The following LRBA variants were observed in gnomAD, a reference collection of about 807,000 sequenced individuals.
LRBA encodes the protein LPS responsive beige-like anchor protein, also known as lipopolysaccharide-responsive and beige-like anchor protein.
A neutral mutation model predicts 330.0 loss-of-function variants in LRBA; 176 were observed. The ratio of observed to expected loss-of-function variants is 0.53; its 90% CI spans 0.47 to 0.60. The LOEUF (loss-of-function observed/expected upper bound fraction) is 0.60. LRBA is among the 20% of genes least tolerant of loss of function. The pLI, the probability that LRBA is intolerant of heterozygous loss-of-function variation, is 0.00. For synonymous variants in LRBA, 1,230 were observed against 1,193.0 expected (o/e 1.03, Z -0.64); for missense variants, 3,259 against 3,444.8 (o/e 0.95, Z 1.35).
Position 150,872,734 on chromosome 4 carries a change from T to A in LRBA, c.2187A>T (p.Ala729=), listed in dbSNP as rs1361184420. 2 of 1,602,310 alleles carry A rather than the reference T, an allele frequency of 1.2e-6. No individual in the cohort carries two copies. The highest frequency in any genetic ancestry group is 3.4e-5 in the Admixed American group (2 of 58,954). ...NGLRVIYKLL[A]SKSEGIRVQA... ...GTACCCTGATTCCTTCACTTTTCGA[T>A]GCCAGAAGTTTGTAGATAACACTGA... is the stretch of plus-strand genomic sequence containing the variant. Residue 729 remains alanine, a synonymous_variant, in exon 18 of 57, where the codon GCA becomes GCT. Coordinates refer to ENST00000651943, the MANE Select transcript of LRBA (RefSeq NM_001364905.1).
intron 2 of LRBA, among the ~76,000 whole-genome samples, chr4:150,961,851 T>A (rs1349678853): frequency 6.7e-6 from 1 of 149,636 alleles, no homozygotes; most frequent in Non-Finnish European, 1.5e-5. Flanking sequence ...AATAGCAATT[T>A]TTAGAGCACT....
intron 40 of LRBA, among the ~76,000 whole-genome samples, chr4:150,540,622 T>C (rs945092254): frequency 6.6e-6 from 1 of 152,234 alleles, no homozygotes; most frequent in African/African-American, 2.4e-5. Context: ...TTATAATACA[T>C]TCCTTAATAA....
At chr4:150,791,156 G>T (rs1353943978) in intron 34 of LRBA, among the ~76,000 whole-genome samples, 1 of 152,148 alleles carries the variant, frequency 6.6e-6, no homozygotes, top group Non-Finnish European at 1.5e-5. Flanking sequence ...TGCTCATGTT[G>T]TTGCCCAGGC....
chr4:150,735,094 T>C (rs536021873), intron 36 of LRBA, among the ~76,000 whole-genome samples, 164 bp downstream of exon 36: 2 of 152,292 alleles, frequency 1.3e-5, no homozygotes, highest in South Asian at 4.1e-4. Flanking sequence ...TAAAGAGACA[T>C]GTACTATCTC....
intron 38 of LRBA, among the ~76,000 whole-genome samples, chr4:150,597,693 A>C (rs1236605535): frequency 6.6e-6 from 1 of 151,908 alleles, no homozygotes; most frequent in South Asian, 2.1e-4. Context: ...TCATTAACCA[A>C]AACAAACCAG....
chr4:151,008,445 T>G (rs1326857246), intron 2 of LRBA, among the ~76,000 whole-genome samples: 1 of 152,120 alleles, frequency 6.6e-6, no homozygotes, highest in East Asian at 1.9e-4. Context: ...GGACATTGGT[T>G]CCAGGACTCC....
chr4:150,768,893 A>G (rs1736143593), intron 34 of LRBA, among the ~76,000 whole-genome samples: 1 of 150,556 alleles, frequency 6.6e-6, no homozygotes, highest in Admixed American at 6.6e-5. Context: ...TTCATCTAAA[A>G]TATCAAGATA....
At chr4:150,942,194 A>T (rs1735742349) in intron 2 of LRBA, among the ~76,000 whole-genome samples, 1 of 152,320 alleles carries the variant, frequency 6.6e-6, no homozygotes, top group African/African-American at 2.4e-5. Context: ...AAATGTTTTC[A>T]CCGAATACAA....
intron 40 of LRBA, among the ~76,000 whole-genome samples, chr4:150,539,368 T>A (rs1255010358): frequency 5.3e-5 from 8 of 152,136 alleles, no homozygotes; most frequent in Non-Finnish European, 5.9e-5. Flanking sequence ...CCATAAAAAA[T>A]TTTTTACCCC....
intron 34 of LRBA, among the ~76,000 whole-genome samples, chr4:150,775,676 G>C (rs1428444474): frequency 6.6e-6 from 1 of 151,978 alleles, no homozygotes; most frequent in Non-Finnish European, 1.5e-5. Flanking sequence ...TAAATATCCA[G>C]TGGGTTTAAC....
rs71960661 is a variant in LRBA, at chr4:150,278,823, G to GT, written c.8317-820dup. On this transcript the variant is annotated intron_variant, in intron 55 of 56. Transcript: ENST00000651943. ...TCCAAATTTGAATCCCCATAAACAG[G>GT]TTTTTTTTTTTCCCCCCTCGAGACA... is the stretch of plus-strand genomic sequence containing the variant. Among the ~76,000 whole-genome samples the GT allele has an allele frequency of 5.1e-3, 764 of 148,776 alleles. 6 individuals are homozygous for GT. Among genetic ancestry groups the GT allele is most frequent in the African/African-American group, 0.016 (670 of 40,630 alleles).
chr4:150,831,452 T>G (rs944302404), intron 29 of LRBA, among the ~76,000 whole-genome samples: 1 of 152,180 alleles, frequency 6.6e-6, no homozygotes, highest in Non-Finnish European at 1.5e-5. Flanking sequence ...CTAACTATAC[T>G]TTTATAACTG....
Position 150,321,866 on chromosome 4 carries a change from C to T in LRBA, c.7453-498G>A, listed in dbSNP as rs1732557278. Among the ~76,000 whole-genome samples the T allele has an allele frequency of 6.6e-6, 1 of 152,186 alleles. No homozygotes were observed. The highest frequency in any genetic ancestry group is 1.9e-4 in the East Asian group (1 of 5,184). ...TGAGTTAGCAGGAAGATTTTGACAACTACAAAGAGGTAATGAAAACAAATA... is the reference window on the plus strand; with the variant it reads ...TGAGTTAGCAGGAAGATTTTGACAATTACAAAGAGGTAATGAAAACAAATA... On this transcript the variant is annotated intron_variant, in intron 49 of 56. Transcript: ENST00000651943. The surrounding 1 kb of genome is among the most constrained non-coding windows in gnomAD (Gnocchi z 4.5).
At chr4:150,842,407 C>G (rs889828355) in intron 28 of LRBA, among the ~76,000 whole-genome samples, 1 of 152,182 alleles carries the variant, frequency 6.6e-6, no homozygotes, top group African/African-American at 2.4e-5. Flanking sequence ...CCCACCTCAG[C>G]CTCCCAAGTA....
At chr4:150,984,587 G>T (rs1318975328) in intron 2 of LRBA, among the ~76,000 whole-genome samples, 13 of 151,964 alleles carry the variant, frequency 8.6e-5, no homozygotes, top group Non-Finnish European at 1.9e-4. Context: ...TAATTGACAT[G>T]CCATCTGTCA....
chr4:150,741,361 C>G (rs1480104479), intron 35 of LRBA, among the ~76,000 whole-genome samples: 1 of 152,026 alleles, frequency 6.6e-6, no homozygotes, highest in East Asian at 1.9e-4. Context: ...TACACAAGCA[C>G]TTCACAAAAG....
chr4:150,915,571 A>G, intron 8 of LRBA, 37 bp downstream of exon 8: 1 of 1,577,594 alleles, frequency 6.3e-7, no homozygotes, highest in Non-Finnish European at 8.6e-7. Flanking sequence ...TGCTTTTAAA[A>G]TCACTTTTTT....
At chr4:150,741,680 G>A (rs1315971853) in intron 35 of LRBA, among the ~76,000 whole-genome samples, 4 of 151,494 alleles carry the variant, frequency 2.6e-5, no homozygotes, top group Admixed American at 6.6e-5. Context: ...TGCTAAGTAG[G>A]AAAAAAAAGA....
At chr4:150,318,629 T>C (rs959304706) in intron 50 of LRBA, among the ~76,000 whole-genome samples, 7 of 152,312 alleles carry the variant, frequency 4.6e-5, no homozygotes, top group African/African-American at 1.7e-4. Context: ...AAACGCTTAA[T>C]ATTCTTAGTT....
Sources: gnomAD v4.1 joint callset for allele counts (sites outside exome capture counted in the v4.1 genomes callset) on GRCh38, gnomAD v4.1.1 for gene constraint, Gnocchi (gnomAD v3.1) non-coding constraint, MANE v1.5 for transcripts, NCBI Gene and HGNC (gene_info 2026-07-23, HGNC 2026-07-21) for gene names.